METAP1: variants seen among roughly 807,000 people sequenced by gnomAD.
METAP1 encodes methionine aminopeptidase 1.
In METAP1, 28 loss-of-function variants were observed where a neutral mutation model predicts 53.8. That is an observed-to-expected ratio of 0.52 (90% CI 0.39 to 0.71). METAP1 has a LOEUF of 0.71. Ranked by LOEUF, METAP1 falls within the 30% of genes least tolerant of loss-of-function variation. The probability of loss-of-function intolerance (pLI) is 0.00; values close to 1 mark genes in which losing one functional copy is unlikely to be tolerated. For missense variants in METAP1, 389 were observed against 479.8 expected (o/e 0.81, Z 1.77); for synonymous variants, 181 against 165.7 (o/e 1.09, Z -0.71).
At chr4:99,010,165 C>A (rs62323247) in intron 1 of METAP1, among the ~76,000 whole-genome samples, 3,338 of 152,272 alleles carry the variant, frequency 0.022, 46 homozygotes, top group Non-Finnish European at 0.035. Flanking sequence ...TGTCAAAAAT[C>A]ATCTGAGGCC....
Position 98,995,742 on chromosome 4 carries a change from C to T in METAP1, c.-12C>T, listed in dbSNP as rs987779754. On this transcript the variant is annotated 5_prime_UTR_variant, in exon 1 of 11. Coordinates refer to ENST00000296411, the MANE Select transcript of METAP1 (RefSeq NM_015143.3). ...CTTCCTCGGTGAGGCGCTCTTCCAG[C>T]GGGCAGGCAGCATGGCGGCCGTGGA... The T allele has an allele frequency of 2.6e-6, 4 of 1,543,810 alleles. No individual in the cohort carries two copies. The African/African-American group carries it at 4.2e-5, about 16-fold the overall frequency.
intron 1 of METAP1, among the ~76,000 whole-genome samples, chr4:98,999,224 T>A (rs1191674666): frequency 6.6e-6 from 1 of 152,142 alleles, no homozygotes; most frequent in African/African-American, 2.4e-5. Context: ...ATTAAATGTT[T>A]GAATTAATGG....
chr4:99,021,589 C>T (rs979718506), intron 1 of METAP1, among the ~76,000 whole-genome samples: 2 of 151,934 alleles, frequency 1.3e-5, no homozygotes, highest in African/African-American at 4.8e-5. Context: ...TTACTTTCTG[C>T]AGAAAGGGTA....
At chr4:99,054,632 A>G (rs1187202004) in intron 9 of METAP1, among the ~76,000 whole-genome samples, 2 of 152,252 alleles carry the variant, frequency 1.3e-5, no homozygotes, top group African/African-American at 2.4e-5. Flanking sequence ...CTTTTGGCCT[A>G]TCTAGGCTAT....
In METAP1 at chr4:99,057,762, C is replaced by G; in HGVS notation, c.941C>G (p.Ala314Gly). ...TTTTCTTTGATTTCAGAAAATAAAG[C>G]AGTTGGAGTGATGAAGTCGGGCCAT... ...PNVPHYAKNK[A>G]VGVMKSGHVF... The change falls in exon 10 of 11, where the codon GCA (alanine) becomes GGA (glycine). Residue 314 changes from alanine to glycine, a missense_variant. Transcript: ENST00000296411. 1 of 1,588,188 alleles carries G rather than the reference C, an allele frequency of 6.3e-7. No individual in the cohort carries two copies. The highest frequency in any genetic ancestry group is 2.3e-5 in the East Asian group (1 of 44,124).
chr4:99,040,993 A>C (rs1451068759), intron 5 of METAP1, 50 bp from the exon 6 acceptor site: 17 of 1,321,728 alleles, frequency 1.3e-5, no homozygotes, highest in Non-Finnish European at 1.6e-5. Flanking sequence ...AAGGGTATAG[A>C]TTTCTGTTTC....
chr4:99,039,464 G>A lies in METAP1; in HGVS notation c.431G>A (p.Arg144Lys). ...EDIEGMRLVC[R>K]LAREVLDVAA... is the part of the protein sequence containing the mutation. ...ATAGAAGGGATGCGACTTGTATGTA[G>A]GGTAAGAGTGATTTTTTCTCCATGG... is the stretch of plus-strand genomic sequence containing the variant. Residue 144 changes from arginine (R) to lysine (K), a missense_variant and splice_region_variant, in exon 5 of 11, where the codon AGG (arginine) becomes AAG (lysine). Physicochemically the swap from Arg to Lys is conservative, Grantham distance 26 (BLOSUM62 2). Coordinates refer to ENST00000296411, the MANE Select transcript of METAP1 (RefSeq NM_015143.3). The A allele has an allele frequency of 6.3e-7, 1 of 1,581,068 alleles. No homozygotes were observed. The highest frequency in any genetic ancestry group is 8.7e-7 in the Non-Finnish European group (1 of 1,152,810).
intron 9 of METAP1, among the ~76,000 whole-genome samples, chr4:99,049,289 A>G (rs1219642737): frequency 6.6e-6 from 1 of 152,210 alleles, no homozygotes; most frequent in Non-Finnish European, 1.5e-5. Context: ...ATTCAGTCAC[A>G]TGGCTACATT....
chr4:99,001,261 G>T (rs987123757), intron 1 of METAP1, among the ~76,000 whole-genome samples: 3 of 152,154 alleles, frequency 2.0e-5, no homozygotes, highest in Non-Finnish European at 4.4e-5. Flanking sequence ...CTGTAAGTTA[G>T]CTGAGTTTAG....
chr4:99,037,712 A>G (rs868484958), intron 4 of METAP1: 2 of 151,888 alleles, frequency 1.3e-5, no homozygotes, highest in African/African-American at 2.4e-5. Flanking sequence ...TATCATAGCT[A>G]TATAATGTTT....
At chr4:99,018,872 C>A (rs62323258) in intron 1 of METAP1, among the ~76,000 whole-genome samples, 3,336 of 152,206 alleles carry the variant, frequency 0.022, 45 homozygotes, top group Non-Finnish European at 0.035. Flanking sequence ...GGCTACTCCC[C>A]CTTGGAACCT....
In METAP1 at chr4:99,020,284, G is replaced by A. The variant is rs566879428; in HGVS notation, c.115-8583G>A. Reference sequence around the variant, plus strand: ...GGCTTAAGCTCTTTCTTTAGACCTCGGACTTCAGAGGTGGTTAAAGGGGCG... The same window carrying A: ...GGCTTAAGCTCTTTCTTTAGACCTCAGACTTCAGAGGTGGTTAAAGGGGCG... On this transcript the variant is annotated intron_variant, in intron 1 of 10. Coordinates refer to ENST00000296411, the MANE Select transcript of METAP1 (RefSeq NM_015143.3). Among the ~76,000 whole-genome samples, 12 of 152,210 alleles carry A rather than the reference G, an allele frequency of 7.9e-5. No homozygotes were observed. The South Asian group carries it at 1.9e-3, about 24-fold the overall frequency.
chr4:99,009,176 C>G (rs1269898411), intron 1 of METAP1, among the ~76,000 whole-genome samples: 1 of 152,166 alleles, frequency 6.6e-6, no homozygotes. Context: ...CCTGAAAGTT[C>G]CTTCATGTTG....
intron 1 of METAP1, among the ~76,000 whole-genome samples, chr4:99,016,800 T>C (rs1447837797): frequency 6.6e-6 from 1 of 152,152 alleles, no homozygotes; most frequent in South Asian, 2.1e-4. Context: ...GGCCAGGGTG[T>C]AGATCCCAGT....
chr4:99,058,993 G>T (rs1451044769), intron 10 of METAP1, among the ~76,000 whole-genome samples: 1 of 152,214 alleles, frequency 6.6e-6, no homozygotes, highest in Non-Finnish European at 1.5e-5. Flanking sequence ...CTGATCACGT[G>T]CAACCAGTTG....
intron 9 of METAP1, among the ~76,000 whole-genome samples, chr4:99,054,767 G>T (rs1395535377): frequency 6.6e-6 from 1 of 152,118 alleles, no homozygotes; most frequent in Non-Finnish European, 1.5e-5. Flanking sequence ...CCTAATTTCA[G>T]TATTGTGTTT....
At chr4:99,059,125 A>G (rs1171649983) in intron 10 of METAP1, among the ~76,000 whole-genome samples, 4 of 152,254 alleles carry the variant, frequency 2.6e-5, no homozygotes. Context: ...TTCAGTAAGC[A>G]AATAACTTTC....
chr4:98,995,969 C>T, intron 1 of METAP1, 102 bp downstream of exon 1: 2 of 910,174 alleles, frequency 2.2e-6, no homozygotes, highest in South Asian at 2.9e-5. Flanking sequence ...GGACGCGCTC[C>T]TCCTCTTCCC....
chr4:98,997,050 G>A (rs182678733), intron 1 of METAP1, among the ~76,000 whole-genome samples: 2 of 152,286 alleles, frequency 1.3e-5, no homozygotes, highest in Non-Finnish European at 2.9e-5. Context: ...TCCAAGGAAC[G>A]TGAAATGCTG....
Sources: allele counts gnomAD v4.1 joint callset (sites outside exome capture counted in the v4.1 genomes callset), GRCh38; gene constraint gnomAD v4.1.1; transcripts MANE v1.5; gene names NCBI Gene and HGNC (gene_info 2026-07-23, HGNC 2026-07-21).